PKNOX2: variants seen among roughly 807,000 people sequenced by gnomAD.
The protein encoded by PKNOX2 is PBX/knotted 1 homeobox 2.
PKNOX2 carries 14 observed loss-of-function variants against 53.1 expected under a neutral mutation model. The ratio of observed to expected loss-of-function variants is 0.26; its 90% CI spans 0.17 to 0.41. The LOEUF is 0.41. Among genes scored for constraint, PKNOX2 ranks in the 10% least tolerant of loss-of-function variants. The probability of loss-of-function intolerance (pLI) is 1.00; values close to 1 mark genes in which losing one functional copy is unlikely to be tolerated. For synonymous variants in PKNOX2, 257 were observed against 242.8 expected (o/e 1.06, Z -0.54); for missense variants, 496 against 602.8 (o/e 0.82, Z 1.85).
intron 2 of PKNOX2, among the ~76,000 whole-genome samples, chr11:125,321,604 A>G (rs78948052): frequency 0.024 from 3,668 of 152,338 alleles, 145 homozygotes; most frequent in African/African-American, 0.083. Context: ...CCACAGATAC[A>G]GAGGGCTGAC....
At chr11:125,265,454 T>C (rs1945250917) in intron 2 of PKNOX2, among the ~76,000 whole-genome samples, 1 of 152,200 alleles carries the variant, frequency 6.6e-6, no homozygotes, top group African/African-American at 2.4e-5. Context: ...CCGAGGTTCC[T>C]CTTCAGCACC....
intron 7 of PKNOX2, among the ~76,000 whole-genome samples, chr11:125,404,944 A>G (rs1022701370): frequency 1.3e-5 from 2 of 152,218 alleles, no homozygotes; most frequent in Non-Finnish European, 2.9e-5. Context: ...GGAGACATTC[A>G]GAACCGACCC....
chr11:125,294,879 C>A (rs574790844), intron 2 of PKNOX2, among the ~76,000 whole-genome samples: 8 of 152,326 alleles, frequency 5.3e-5, no homozygotes, highest in African/African-American at 9.6e-5. Context: ...AGTATTGGGG[C>A]TCTCTGAGAG....
At chr11:125,222,605 C>A (rs12797054) in intron 1 of PKNOX2, among the ~76,000 whole-genome samples, 16,043 of 139,910 alleles carry the variant, frequency 0.11, 1,071 homozygotes, top group Middle Eastern at 0.17. Flanking sequence ...GTGTGTGTGT[C>A]TGTGTGTATG....
chr11:125,344,525 C>A (rs185764646), intron 3 of PKNOX2, among the ~76,000 whole-genome samples: 2 of 152,340 alleles, frequency 1.3e-5, no homozygotes, highest in Admixed American at 6.5e-5. Context: ...CAGAAGCAGG[C>A]AGTCCTAGCC....
intron 12 of PKNOX2, among the ~76,000 whole-genome samples, chr11:125,430,696 C>T (rs999387468): frequency 2.6e-5 from 4 of 151,454 alleles, no homozygotes; most frequent in South Asian, 4.2e-4. Flanking sequence ...CTCATGCACA[C>T]GTGTATGTGT....
At chr11:125,359,080 CAAAGGCAGGAAGGTAGACACCATCGG>C (rs1252563106) in intron 4 of PKNOX2, among the ~76,000 whole-genome samples, 2,725 of 135,816 alleles carry the variant, frequency 0.02, 103 homozygotes, top group African/African-American at 0.078. Flanking sequence ...GCTGTGGGAG[CAAAGGCAGGAAGGTAGACACCATCGG>C]AAAGGCAGGA....
intron 1 of PKNOX2, among the ~76,000 whole-genome samples, chr11:125,189,460 T>C (rs1466580802): frequency 1.0e-5 from 1 of 99,304 alleles, no homozygotes; most frequent in Non-Finnish European, 1.9e-5. Context: ...TATATATATA[T>C]ATATATATAT....
intron 2 of PKNOX2, among the ~76,000 whole-genome samples, chr11:125,253,720 A>C (rs1385022133): frequency 1.3e-5 from 2 of 152,188 alleles, no homozygotes; most frequent in African/African-American, 4.8e-5. Context: ...CCTGGCACCT[A>C]GTAGGCTTTC....
chr11:125,380,811 T>A (rs1591549607), intron 5 of PKNOX2, among the ~76,000 whole-genome samples: 1 of 152,150 alleles, frequency 6.6e-6, no homozygotes, highest in Non-Finnish European at 1.5e-5. Flanking sequence ...GCCCTCAGGG[T>A]AGACCCCCAA....
At chr11:125,268,792 C>T (rs949879755) in intron 2 of PKNOX2, among the ~76,000 whole-genome samples, 2 of 151,964 alleles carry the variant, frequency 1.3e-5, no homozygotes, top group African/African-American at 4.8e-5. Flanking sequence ...CACTTTAAAC[C>T]CACAAGTTGG....
intron 1 of PKNOX2, among the ~76,000 whole-genome samples, chr11:125,234,256 C>T (rs1942481622): frequency 6.6e-6 from 1 of 152,254 alleles, no homozygotes; most frequent in South Asian, 2.1e-4. Context: ...ACTTCGTATA[C>T]AGTCTGGCCT....
chr11:125,300,499 G>C (rs1947972801), intron 2 of PKNOX2, among the ~76,000 whole-genome samples: 1 of 152,158 alleles, frequency 6.6e-6, no homozygotes. Context: ...CTGGCATTTT[G>C]GTTCCCAAGC....
chr11:125,248,367 C>T (rs1187036461), intron 2 of PKNOX2, among the ~76,000 whole-genome samples: 1 of 152,158 alleles, frequency 6.6e-6, no homozygotes, highest in Non-Finnish European at 1.5e-5. Context: ...TGCACAGCAG[C>T]TCTGTCGGGT....
At chr11:125,288,554 C>T (rs965743400) in intron 2 of PKNOX2, among the ~76,000 whole-genome samples, 1 of 152,234 alleles carries the variant, frequency 6.6e-6, no homozygotes, top group Admixed American at 6.5e-5. Flanking sequence ...CCCATCGGCC[C>T]TGCAAAGTGC....
intron 10 of PKNOX2, among the ~76,000 whole-genome samples, chr11:125,428,113 T>C (rs1956515521): frequency 6.6e-6 from 1 of 152,100 alleles, no homozygotes; most frequent in Non-Finnish European, 1.5e-5. Flanking sequence ...GTCATTTGTA[T>C]GTGGAAGGCA....
intron 10 of PKNOX2, among the ~76,000 whole-genome samples, chr11:125,418,364 G>A (rs1165087553): frequency 2.6e-5 from 4 of 152,050 alleles, no homozygotes. Context: ...TGGACTTTGG[G>A]GTTGCTTTCA....
intron 10 of PKNOX2, among the ~76,000 whole-genome samples, chr11:125,413,215 A>G: frequency 6.6e-6 from 1 of 152,150 alleles, no homozygotes; most frequent in Non-Finnish European, 1.5e-5. Flanking sequence ...GGAATGCTGG[A>G]GTTAAGGTGA....
intron 1 of PKNOX2, among the ~76,000 whole-genome samples, chr11:125,178,291 C>A (rs1955840590): frequency 6.6e-6 from 1 of 151,746 alleles, no homozygotes; most frequent in South Asian, 2.1e-4. Context: ...GTAGGCAGAT[C>A]ATCTCAGGTT....
Sources: allele counts gnomAD v4.1 joint callset (sites outside exome capture counted in the v4.1 genomes callset), GRCh38; gene constraint gnomAD v4.1.1; transcripts MANE v1.5; gene names NCBI Gene and HGNC (gene_info 2026-07-23, HGNC 2026-07-21).